CNTNAP5: variants seen among roughly 807,000 people sequenced by gnomAD.
CNTNAP5 encodes contactin-associated protein-like 5.
A neutral mutation model predicts 150.2 loss-of-function variants in CNTNAP5; 72 were observed. The ratio of observed to expected loss-of-function variants is 0.48; its 90% confidence interval spans 0.40 to 0.58. The LOEUF (loss-of-function observed/expected upper bound fraction) is 0.58. Ranked by LOEUF, CNTNAP5 falls within the 20% of genes least tolerant of loss-of-function variation. The probability of loss-of-function intolerance (pLI) is 0.00; values close to 1 mark genes in which losing one functional copy is unlikely to be tolerated. For synonymous variants in CNTNAP5, 672 were observed against 619.8 expected, an observed-to-expected ratio of 1.08 and a Z score of -1.25; for missense variants, 1,636 against 1,626.2, an observed-to-expected ratio of 1.01 and a Z score of -0.10.
At chr2:124,601,973 T>C (rs1696995510) in intron 11 of CNTNAP5, among the ~76,000 whole-genome samples, 1 of 152,168 alleles carries the variant, frequency 6.6e-6, no homozygotes, top group South Asian at 2.1e-4. Context: ...GACGGGTAGC[T>C]CAATATCCCG....
chr2:124,421,939 A>G (rs1692112849), intron 4 of CNTNAP5, among the ~76,000 whole-genome samples: 2 of 152,204 alleles, frequency 1.3e-5, no homozygotes, highest in South Asian at 2.1e-4. Context: ...GGTGTCGGCC[A>G]CAACCCAGAA....
chr2:124,295,521 G>A (rs1375856077), intron 3 of CNTNAP5, among the ~76,000 whole-genome samples: 1 of 152,248 alleles, frequency 6.6e-6, no homozygotes, highest in Non-Finnish European at 1.5e-5. Flanking sequence ...GAATAGGTCT[G>A]GGAGACAAAA....
At chr2:124,594,001 A>G (rs1696762843) in intron 11 of CNTNAP5, among the ~76,000 whole-genome samples, 1 of 96,766 alleles carries the variant, frequency 1.0e-5, no homozygotes. Context: ...TTTTCTTGTA[A>G]ATTTGTTTGA....
chr2:124,524,492 A>T, intron 9 of CNTNAP5, 40 bp downstream of exon 9: 1 of 1,560,364 alleles, frequency 6.4e-7, no homozygotes, highest in Non-Finnish European at 8.7e-7. Context: ...TTAAGAAGGG[A>T]GGGAAATTTA....
rs78485937 is a variant in CNTNAP5 at position 124,587,974 on chromosome 2, A to G, written c.1757-21827A>G. On this transcript the variant is annotated intron_variant, in intron 11 of 23. Coordinates refer to ENST00000682447, the MANE Select transcript of CNTNAP5 (RefSeq NM_001367498.1). ...GTTTTGACTAGTGGTATGTTGATAC[A>G]TATTGGAAACTTGAGTTTTCAGCAA... Among the ~76,000 whole-genome samples the G allele has an allele frequency of 4.1e-3, 631 of 152,280 alleles. 8 individuals are homozygous for G. Among genetic ancestry groups the G allele is most frequent in the East Asian group, 0.028 (143 of 5,178 alleles).
intron 19 of CNTNAP5, among the ~76,000 whole-genome samples, chr2:124,808,325 G>A (rs1393519099): frequency 6.6e-6 from 1 of 152,058 alleles, no homozygotes; most frequent in African/African-American, 2.4e-5. Flanking sequence ...CATAAAGCAG[G>A]CCAGGCACGG....
chr2:124,371,079 C>T (rs959614652), intron 3 of CNTNAP5, among the ~76,000 whole-genome samples: 1 of 152,076 alleles, frequency 6.6e-6, no homozygotes, highest in African/African-American at 2.4e-5. Flanking sequence ...ATGCTACTGT[C>T]CTCCAGATAT....
At chr2:124,585,321 G>C (rs1296563117) in intron 11 of CNTNAP5, among the ~76,000 whole-genome samples, 1 of 152,292 alleles carries the variant, frequency 6.6e-6, no homozygotes, top group African/African-American at 2.4e-5. Flanking sequence ...GTCTCACTCA[G>C]TTTTTACTTG....
At chr2:124,411,347 A>C (rs1691757678) in intron 3 of CNTNAP5, among the ~76,000 whole-genome samples, 1 of 152,154 alleles carries the variant, frequency 6.6e-6, no homozygotes, top group Admixed American at 6.5e-5. Flanking sequence ...CAATCAATAG[A>C]AAAAGAGGGT....
intron 19 of CNTNAP5, among the ~76,000 whole-genome samples, chr2:124,850,638 G>A (rs1168509918): frequency 6.6e-6 from 1 of 152,220 alleles, no homozygotes; most frequent in Non-Finnish European, 1.5e-5. Flanking sequence ...AGCACTGGAT[G>A]AGATTGTGAA....
intron 11 of CNTNAP5, among the ~76,000 whole-genome samples, chr2:124,592,812 T>C (rs1696726282): frequency 6.6e-6 from 1 of 152,052 alleles, no homozygotes; most frequent in South Asian, 2.1e-4. Context: ...TTGCTACCTA[T>C]TGTGTCTTTA....
At chr2:124,691,708 T>C (rs1056166108) in intron 13 of CNTNAP5, among the ~76,000 whole-genome samples, 5 of 152,080 alleles carry the variant, frequency 3.3e-5, no homozygotes, top group African/African-American at 1.2e-4. Context: ...ATGCGCTCAG[T>C]GGTCCCAGTT....
chr2:124,200,813 C>T (rs914647255), intron 1 of CNTNAP5, among the ~76,000 whole-genome samples: 1 of 152,198 alleles, frequency 6.6e-6, no homozygotes, highest in African/African-American at 2.4e-5. Context: ...GGATGCTTCT[C>T]CGGTTGCTCA....
chr2:124,306,135 C>A (rs990767148), intron 3 of CNTNAP5, among the ~76,000 whole-genome samples: 1 of 152,148 alleles, frequency 6.6e-6, no homozygotes, highest in African/African-American at 2.4e-5. Flanking sequence ...AAAACAGGAA[C>A]ATGGTTAGTT....
At chr2:124,303,650 T>C (rs1688616775) in intron 3 of CNTNAP5, among the ~76,000 whole-genome samples, 1 of 152,166 alleles carries the variant, frequency 6.6e-6, no homozygotes, top group Non-Finnish European at 1.5e-5. Context: ...TAAAAAAGGT[T>C]TAAAAGAGCA....
intron 21 of CNTNAP5, among the ~76,000 whole-genome samples, chr2:124,892,174 T>G (rs1678208092): frequency 6.6e-6 from 1 of 152,188 alleles, no homozygotes; most frequent in African/African-American, 2.4e-5. Context: ...CACTGTTTTC[T>G]TCTTGATATA....
At chr2:124,478,849 C>T (rs1357301214) in intron 7 of CNTNAP5, among the ~76,000 whole-genome samples, 1 of 152,202 alleles carries the variant, frequency 6.6e-6, no homozygotes, top group Non-Finnish European at 1.5e-5. Flanking sequence ...TACGGTACTA[C>T]TCATAAATTA....
intron 1 of CNTNAP5, among the ~76,000 whole-genome samples, chr2:124,180,052 A>G (rs1477467334): frequency 6.6e-6 from 1 of 152,176 alleles, no homozygotes; most frequent in African/African-American, 2.4e-5. Flanking sequence ...GATTTAAGAC[A>G]CATTAAGGAT....
chr2:124,743,404 G>C (rs1348178458), intron 13 of CNTNAP5, among the ~76,000 whole-genome samples: 2 of 152,194 alleles, frequency 1.3e-5, no homozygotes, highest in Non-Finnish European at 2.9e-5. Flanking sequence ...TGGGACCCAA[G>C]TATGCAACTT....
Sources: allele counts gnomAD v4.1 joint callset (sites outside exome capture counted in the v4.1 genomes callset), GRCh38; gene constraint gnomAD v4.1.1; transcripts MANE v1.5; gene names NCBI Gene and HGNC (gene_info 2026-07-23, HGNC 2026-07-21).